TMEM268: variants seen among roughly 807,000 people sequenced by gnomAD.
TMEM268 encodes the protein transmembrane protein 268.
TMEM268 carries 24 observed loss-of-function variants against 39.1 expected under a neutral mutation model. That is an observed-to-expected ratio of 0.61 (90% CI 0.44 to 0.86). The LOEUF (loss-of-function observed/expected upper bound fraction) is 0.86. Ranked by LOEUF, TMEM268 falls within the 40% of genes least tolerant of loss-of-function variation. TMEM268 has a pLI of 0.00. For missense variants in TMEM268, 409 were observed against 428.6 expected (o/e 0.95, Z 0.40); for synonymous variants, 176 against 173.5 (o/e 1.01, Z -0.12).
At chr9:114,624,261 A>T in intron 2 of TMEM268, 89 bp from the exon 3 acceptor site, 2 of 1,528,692 alleles carry the variant, frequency 1.3e-6, no homozygotes. Context: ...TCTCATGGCC[A>T]GAGGTGTGAT....
At chr9:114,614,655 A>G (rs962400309) in intron 1 of TMEM268, among the ~76,000 whole-genome samples, 4 of 152,178 alleles carry the variant, frequency 2.6e-5, no homozygotes, top group African/African-American at 9.7e-5. Context: ...TATCTTCACA[A>G]ACATCTAGAA....
At chr9:114,625,558 C>T (rs188942489) in intron 3 of TMEM268, among the ~76,000 whole-genome samples, 45 of 150,830 alleles carry the variant, frequency 3.0e-4, no homozygotes, top group Admixed American at 9.9e-4. Flanking sequence ...GATTCTGATG[C>T]CTCAGCCTCC....
At chr9:114,621,980 G>A in intron 2 of TMEM268, 1 of 448,994 alleles carries the variant, frequency 2.2e-6, no homozygotes, top group Non-Finnish European at 2.9e-6. Flanking sequence ...TGTGGAAGAT[G>A]CATTGTAGAA....
At position 114,645,218 on chromosome 9, in the gene TMEM268, C is replaced by T. The variant is rs184515560; in HGVS notation, c.*1905C>T. ...CATGCAGAAACATCTGGCAACCCCA[C>T]ATGGCTGAGATGACCTGGTCCTAGG... On this transcript the variant is annotated 3_prime_UTR_variant, in exon 9 of 9. Coordinates refer to ENST00000288502, the MANE Select transcript of TMEM268 (RefSeq NM_153045.4). 6.6e-6 allele frequency: 1 copy of T among 152,516 alleles called. No individual in the cohort carries two copies. The highest frequency in any genetic ancestry group is 6.5e-5 in the Admixed American group (1 of 15,302). The allele number at this position is 152,516 out of a possible 1,614,324, so 9.4% of individuals were successfully genotyped here.
At chr9:114,631,305 AAG>A (rs2133673743) in intron 5 of TMEM268, among the ~76,000 whole-genome samples, 1 of 137,552 alleles carries the variant, frequency 7.3e-6, no homozygotes, top group East Asian at 2.1e-4. Context: ...AAAAAAAAAA[AAG>A]ATTGGCTGGT....
In TMEM268 at chr9:114,628,090, G is replaced by T. The variant is rs1846235344; in HGVS notation, c.325-11G>T. On this transcript the variant is annotated splice_polypyrimidine_tract_variant and intron_variant, in intron 4 of 8. Transcript: ENST00000288502. ...AGTTCCTGACCATGCTCTCTGTCTGGCATCTTGCAGGTTTTCTATGTGGTG... is the reference window on the plus strand; with the variant it reads ...AGTTCCTGACCATGCTCTCTGTCTGTCATCTTGCAGGTTTTCTATGTGGTG... 1.2e-6 allele frequency: 2 copies of T among 1,612,364 alleles called. No individual in the cohort carries two copies. The highest frequency in any genetic ancestry group is 1.3e-5 in the African/African-American group (1 of 75,002).
chr9:114,623,487 C>G (rs749565159), intron 2 of TMEM268, among the ~76,000 whole-genome samples: 1 of 152,224 alleles, frequency 6.6e-6, no homozygotes, highest in African/African-American at 2.4e-5. Flanking sequence ...ATGTCTGACA[C>G]TGATCTCACT....
At chr9:114,610,649 G>T (rs1845455639), upstream of TMEM268, among the ~76,000 whole-genome samples, 1 of 152,212 alleles carries the variant, frequency 6.6e-6, no homozygotes, top group African/African-American at 2.4e-5. Flanking sequence ...AATTACGAAG[G>T]ATGGCGATGG....
chr9:114,643,363 G>T lies in TMEM268; in HGVS notation c.*50G>T, dbSNP rs1827441471. 2 of 1,574,730 alleles carry T rather than the reference G, an allele frequency of 1.3e-6. No homozygotes were observed. Among genetic ancestry groups the T allele is most frequent in the Non-Finnish European group, 1.7e-6 (2 of 1,148,188 alleles). ...CCTTCAAGACTGAGCAGTCAGGAAG[G>T]CTTCAGGAGCCCAAGATGGCCAATG... On this transcript the variant is annotated 3_prime_UTR_variant, in exon 9 of 9. Coordinates refer to ENST00000288502, the MANE Select transcript of TMEM268 (RefSeq NM_153045.4).
chr9:114,626,702 T>C (rs182231069), intron 3 of TMEM268, among the ~76,000 whole-genome samples, 197 bp from the exon 4 acceptor site: 26 of 152,130 alleles, frequency 1.7e-4, no homozygotes, highest in Admixed American at 1.4e-3. Flanking sequence ...GTGTGGATCC[T>C]TCTCCAGATG....
chr9:114,635,954 C>T (rs1846616264), intron 6 of TMEM268, among the ~76,000 whole-genome samples: 1 of 152,114 alleles, frequency 6.6e-6, no homozygotes, highest in African/African-American at 2.4e-5. Flanking sequence ...TTAAAGGAAC[C>T]ATTTGAGAAA....
intron 2 of TMEM268, among the ~76,000 whole-genome samples, chr9:114,618,364 C>G (rs1845817341): frequency 6.6e-6 from 1 of 151,840 alleles, no homozygotes. Flanking sequence ...TGATGAATTT[C>G]TATTCATCCA....
chr9:114,640,495 C>T (rs1003945847), intron 8 of TMEM268, among the ~76,000 whole-genome samples: 3 of 152,244 alleles, frequency 2.0e-5, no homozygotes, highest in South Asian at 2.1e-4. Flanking sequence ...AATTATTTTC[C>T]CTTTTTCCTT....
chr9:114,640,389 T>G (rs1483104416), intron 8 of TMEM268, among the ~76,000 whole-genome samples: 1 of 152,340 alleles, frequency 6.6e-6, no homozygotes, highest in Non-Finnish European at 1.5e-5. Flanking sequence ...AGGAACCTAG[T>G]GTCTGTAAAA....
chr9:114,635,847 C>G (rs1039058975), intron 6 of TMEM268, among the ~76,000 whole-genome samples: 3 of 152,112 alleles, frequency 2.0e-5, no homozygotes, highest in African/African-American at 7.2e-5. Context: ...GGAGATGAAC[C>G]AAGAGTGGCC....
chr9:114,627,950 T>A (rs1237634062), intron 4 of TMEM268, 151 bp from the exon 5 acceptor site: 3 of 778,246 alleles, frequency 3.9e-6, no homozygotes, highest in Non-Finnish European at 6.3e-6. Context: ...TTCTCACAGA[T>A]CCAGGTGACT....
At chr9:114,632,807 G>T (rs1846458305) in intron 5 of TMEM268, among the ~76,000 whole-genome samples, 1 of 152,146 alleles carries the variant, frequency 6.6e-6, no homozygotes, top group Non-Finnish European at 1.5e-5. Context: ...CAATCTCAGT[G>T]AAATCTCACT....
At position 114,643,294 on chromosome 9, in the gene TMEM268, G is replaced by C; in HGVS notation, c.1010G>C (p.Cys337Ser). The change falls in exon 9 of 9, where the codon TGC (cysteine) becomes TCC (serine). Residue 337 changes from cysteine (C) to serine (S), a missense_variant. Physicochemically the swap from Cys to Ser is moderately radical, Grantham distance 112. Transcript: ENST00000288502. ...GCCTACATCCTAGGCACAGGGTGCT[G>C]CCCGTTCCTGGCGAGGTGACCTAGG... Reference protein sequence around the residue: ...IEAYILGTGCCPFLAR With the variant: ...IEAYILGTGCSPFLAR 1.9e-6 allele frequency: 3 copies of C among 1,614,110 alleles called. No individual in the cohort carries two copies. Among genetic ancestry groups the C allele is most frequent in the Non-Finnish European group, 2.5e-6 (3 of 1,179,990 alleles).
intron 3 of TMEM268, 41 bp downstream of exon 3, chr9:114,624,500 C>T (rs1021089696): frequency 2.6e-6 from 4 of 1,547,660 alleles, no homozygotes; most frequent in Non-Finnish European, 3.5e-6. Context: ...TTTTCTCTTT[C>T]ATCCATTCAT....
Sources: allele counts gnomAD v4.1 joint callset (sites outside exome capture counted in the v4.1 genomes callset), GRCh38; gene constraint gnomAD v4.1.1; transcripts MANE v1.5; gene names NCBI Gene and HGNC (gene_info 2026-07-23, HGNC 2026-07-21).